WDPCP: variants seen among roughly 807,000 people sequenced by gnomAD.
The protein encoded by WDPCP is WD repeat containing planar cell polarity effector.
A neutral mutation model predicts 93.1 loss-of-function variants in WDPCP; 71 were observed. The observed-to-expected ratio is 0.76, with a 90% confidence interval of 0.63 to 0.93. WDPCP has a LOEUF of 0.93. Among genes scored for constraint, WDPCP ranks in the 40% least tolerant of loss-of-function variants. The probability of loss-of-function intolerance (pLI) is 0.00; values close to 1 mark genes in which losing one functional copy is unlikely to be tolerated. For missense variants in WDPCP, 844 were observed against 887.4 expected (o/e 0.95, Z 0.62); for synonymous variants, 315 against 315.0 (o/e 1.00, Z 0.00).
chr2:63,308,801 G>C (rs1331749415), intron 13 of WDPCP, among the ~76,000 whole-genome samples: 2 of 152,112 alleles, frequency 1.3e-5, no homozygotes, highest in Non-Finnish European at 2.9e-5. Flanking sequence ...TAGATGATGG[G>C]TTGATGGGTG....
At chr2:63,297,610 T>A (rs1312366262) in intron 13 of WDPCP, among the ~76,000 whole-genome samples, 1 of 152,168 alleles carries the variant, frequency 6.6e-6, no homozygotes, top group Non-Finnish European at 1.5e-5. Flanking sequence ...ACAATCTCAC[T>A]GGATAGAAAG....
chr2:63,829,412 C>T (rs1380106236), upstream of WDPCP, among the ~76,000 whole-genome samples: 2 of 152,102 alleles, frequency 1.3e-5, no homozygotes, highest in African/African-American at 4.8e-5. Context: ...TACGCACGCA[C>T]TGCACTGCCA....
At chr2:63,188,252 A>AAGCTACAGACAAACAGCCAAG (rs1305084916) in intron 14 of WDPCP, among the ~76,000 whole-genome samples, 2 of 152,140 alleles carry the variant, frequency 1.3e-5, no homozygotes, top group African/African-American at 4.8e-5. Context: ...GTCTGTAGCC[A>AAGCTACAGACAAACAGCCAAG]CTGTTTGTTC....
chr2:63,806,694 G>C (rs1015987814), intron 2 of WDPCP, among the ~76,000 whole-genome samples: 1 of 152,106 alleles, frequency 6.6e-6, no homozygotes, highest in South Asian at 2.1e-4. Context: ...GACCCACCCC[G>C]AGGTGCGCAT....
At chr2:63,633,363 CA>C (rs1248113017) in intron 3 of WDPCP, among the ~76,000 whole-genome samples, 1 of 151,910 alleles carries the variant, frequency 6.6e-6, no homozygotes, top group African/African-American at 2.4e-5. Flanking sequence ...GGTTTAAAGA[CA>C]AAAGCATTAA....
intron 9 of WDPCP, among the ~76,000 whole-genome samples, chr2:63,411,282 G>A (rs1297423530): frequency 6.6e-6 from 1 of 152,046 alleles, no homozygotes; most frequent in Non-Finnish European, 1.5e-5. Flanking sequence ...TCCTGAATAA[G>A]CACTGGGTCA....
intron 12 of WDPCP, among the ~76,000 whole-genome samples, chr2:63,320,266 T>A (rs1321528639): frequency 6.6e-6 from 1 of 152,114 alleles, no homozygotes; most frequent in Non-Finnish European, 1.5e-5. Context: ...ATAAAGACAT[T>A]TGCAGGAAGA....
At chr2:63,839,375 T>C in the WDPCP span, among the ~76,000 whole-genome samples, 1 of 152,228 alleles carries the variant, frequency 6.6e-6, no homozygotes, top group East Asian at 1.9e-4. Flanking sequence ...CTGGCCAACA[T>C]GGCGAAACCC....
chr2:63,275,802 C>G (rs1314947468), intron 13 of WDPCP, among the ~76,000 whole-genome samples: 2 of 152,162 alleles, frequency 1.3e-5, no homozygotes, highest in African/African-American at 4.8e-5. Flanking sequence ...TAAAATGAAT[C>G]AGAGAGCACC....
At chr2:63,692,559 T>C (rs1411800966) in intron 2 of WDPCP, among the ~76,000 whole-genome samples, 1 of 152,194 alleles carries the variant, frequency 6.6e-6, no homozygotes, top group Non-Finnish European at 1.5e-5. Flanking sequence ...TTCTAAACAG[T>C]ATAAACCAAG....
At chr2:63,422,834 C>A (rs1014931358) in intron 9 of WDPCP, among the ~76,000 whole-genome samples, 4 of 152,122 alleles carry the variant, frequency 2.6e-5, no homozygotes, top group African/African-American at 9.7e-5. Flanking sequence ...GCAATAAAAT[C>A]CAGACTGTGG....
At chr2:63,751,961 G>T (rs1393708383) in intron 2 of WDPCP, 3 of 641,028 alleles carry the variant, frequency 4.7e-6, no homozygotes, top group East Asian at 3.2e-5. Context: ...CTGCCATCAT[G>T]ACCACTGAAG....
intron 3 of WDPCP, among the ~76,000 whole-genome samples, chr2:63,487,079 C>G (rs1460747774): frequency 6.6e-6 from 1 of 152,006 alleles, no homozygotes; most frequent in Non-Finnish European, 1.5e-5. Flanking sequence ...ATTGATCATT[C>G]ACTCAGAAAT....
intron 1 of WDPCP, among the ~76,000 whole-genome samples, chr2:63,587,496 ATTG>A (rs1429050800): frequency 6.6e-6 from 1 of 152,246 alleles, no homozygotes; most frequent in Admixed American, 6.5e-5. Flanking sequence ...ATAGAGAAAA[ATTG>A]AAAGATATTA....
At chr2:63,522,041 G>T (rs1331629095) in intron 1 of WDPCP, among the ~76,000 whole-genome samples, 10 of 151,890 alleles carry the variant, frequency 6.6e-5, no homozygotes, top group African/African-American at 1.2e-4. Flanking sequence ...ATTTTTTTTG[G>T]TTTTTTTAAT....
At chr2:63,261,874 T>G (rs1012498635) in intron 13 of WDPCP, among the ~76,000 whole-genome samples, 1 of 152,164 alleles carries the variant, frequency 6.6e-6, no homozygotes, top group Non-Finnish European at 1.5e-5. Flanking sequence ...TAAATCTCCC[T>G]AAGGAAATGA....
Position 63,405,517 on chromosome 2 carries a change from T to C in WDPCP, c.826-860A>G, listed in dbSNP as rs1575346856. Among the ~76,000 whole-genome samples, 4 of 150,268 alleles carry C rather than the reference T, an allele frequency of 2.7e-5. No individual in the cohort carries two copies. The South Asian group carries it at 8.5e-4, about 32-fold the overall frequency. On this transcript the variant is annotated intron_variant, in intron 9 of 17. Coordinates refer to ENST00000272321, the MANE Select transcript of WDPCP (RefSeq NM_015910.7). ...CTTGAGTTCCACAAGGCTAAGTATATGCAGATTTTGGTATAGTGTGTGTGT... is the reference window on the plus strand; with the variant it reads ...CTTGAGTTCCACAAGGCTAAGTATACGCAGATTTTGGTATAGTGTGTGTGT...
chr2:63,446,773 T>A lies in WDPCP; in HGVS notation c.385-6902A>T, dbSNP rs190486651. 2.1e-3 allele frequency among the ~76,000 whole-genome samples: 326 copies of A among 152,306 alleles called. 1 individual carries two copies. The highest frequency in any genetic ancestry group is 7.0e-3 in the African/African-American group (293 of 41,576). On this transcript the variant is annotated intron_variant, in intron 6 of 17. Transcript: ENST00000272321. ...TTGAAAGTGCCCCATAGCAAGTAAT[T>A]GAGCTACCTTAGCTTGAAAGAAATA... is the stretch of plus-strand genomic sequence containing the variant.
At chr2:63,528,095 C>A (rs1703497049) in intron 1 of WDPCP, among the ~76,000 whole-genome samples, 1 of 151,250 alleles carries the variant, frequency 6.6e-6, no homozygotes, top group Non-Finnish European at 1.5e-5. Context: ...AATTTGAGTT[C>A]TTTGTAGATT....
Sources: allele counts gnomAD v4.1 joint callset (sites outside exome capture counted in the v4.1 genomes callset), GRCh38; gene constraint gnomAD v4.1.1; transcripts MANE v1.5; gene names NCBI Gene and HGNC (gene_info 2026-07-23, HGNC 2026-07-21).